F13A1: variants seen among roughly 807,000 people sequenced by gnomAD.
F13A1 encodes FSF, A subunit.
In F13A1, 47 loss-of-function variants were observed where a neutral mutation model predicts 80.1. The ratio of observed to expected loss-of-function variants is 0.59; its 90% CI spans 0.46 to 0.75. F13A1 has a LOEUF of 0.75. F13A1 is among the 30% of genes least tolerant of loss of function. The pLI, the probability that F13A1 is intolerant of heterozygous loss-of-function variation, is 0.00. For synonymous variants in F13A1, 349 were observed against 344.9 expected (o/e 1.01, Z -0.13); for missense variants, 817 against 930.4 (o/e 0.88, Z 1.59).
intron 4 of F13A1, among the ~76,000 whole-genome samples, chr6:6,263,505 A>G (rs1757805279): frequency 6.6e-6 from 1 of 150,856 alleles, no homozygotes; most frequent in African/African-American, 2.4e-5. Context: ...CTTTGTCTCA[A>G]CTCTTAATTG....
intron 2 of F13A1, among the ~76,000 whole-genome samples, chr6:6,306,335 A>G (rs1457547562): frequency 2.0e-5 from 3 of 152,248 alleles, no homozygotes; most frequent in African/African-American, 7.2e-5. Context: ...CATGTTTCTT[A>G]GTTGTCTAAC....
rs562377898 is a variant in F13A1, at chr6:6,151,749, A to T, written c.2045+64T>A. ...GAGCAGATCTATGTTTGGAAAAGAC[A>T]CACACAGAGAAAGCTTCCCACAGCC... On this transcript the variant is annotated intron_variant, in intron 14 of 14. Coordinates refer to ENST00000264870, the MANE Select transcript of F13A1 (RefSeq NM_000129.4). 2.5e-6 allele frequency: 4 copies of T among 1,605,580 alleles called. No individual in the cohort carries two copies. The East Asian group carries it at 8.9e-5, about 36-fold the overall frequency.
intron 8 of F13A1, among the ~76,000 whole-genome samples, chr6:6,212,978 AAAAAAGAAT>A (rs1383251909): frequency 6.6e-6 from 1 of 152,190 alleles, no homozygotes; most frequent in African/African-American, 2.4e-5. Context: ...AAGTTTAGAG[AAAAAAGAAT>A]AAAAAGAAAC....
intron 3 of F13A1, among the ~76,000 whole-genome samples, chr6:6,273,124 C>T (rs894948126): frequency 1.3e-5 from 2 of 152,200 alleles, no homozygotes; most frequent in African/African-American, 4.8e-5. Flanking sequence ...TTGGGGTCTG[C>T]ATCGAGACCC....
At chr6:6,309,100 T>C (rs930191422) in intron 2 of F13A1, among the ~76,000 whole-genome samples, 2 of 152,214 alleles carry the variant, frequency 1.3e-5, no homozygotes, top group African/African-American at 4.8e-5. Context: ...CCCCTAAGTA[T>C]GCATTTAATA....
chr6:6,315,029 C>T (rs1326328461), intron 2 of F13A1, among the ~76,000 whole-genome samples: 1 of 152,178 alleles, frequency 6.6e-6, no homozygotes, highest in Non-Finnish European at 1.5e-5. Context: ...ACTACTAGAA[C>T]CCAGTTTTTA....
At chr6:6,217,705 A>C (rs1757122877) in intron 8 of F13A1, among the ~76,000 whole-genome samples, 1 of 152,106 alleles carries the variant, frequency 6.6e-6, no homozygotes, top group Non-Finnish European at 1.5e-5. Context: ...AATAAAAATA[A>C]AATAATGTAT....
chr6:6,210,147 T>C (rs1761575947), intron 8 of F13A1, among the ~76,000 whole-genome samples: 1 of 151,504 alleles, frequency 6.6e-6, no homozygotes, highest in African/African-American at 2.4e-5. Context: ...GGAAGATTGC[T>C]TGAGCCTGGG....
At chr6:6,155,805 A>G (rs565782395) in intron 13 of F13A1, among the ~76,000 whole-genome samples, 1 of 152,176 alleles carries the variant, frequency 6.6e-6, no homozygotes, top group Non-Finnish European at 1.5e-5. Context: ...AACAATGACT[A>G]TTTGGGGAGA....
chr6:6,191,705 GTTTA>G (rs553349770), intron 10 of F13A1, among the ~76,000 whole-genome samples: 86 of 152,302 alleles, frequency 5.6e-4, no homozygotes, highest in Non-Finnish European at 1.1e-3. Context: ...GCTTTGGTTT[GTTTA>G]TTTGTTTCCA....
chr6:6,308,177 G>A (rs781753345), intron 2 of F13A1, among the ~76,000 whole-genome samples: 25 of 151,930 alleles, frequency 1.6e-4, no homozygotes, highest in Admixed American at 2.6e-4. Flanking sequence ...ACCATGCCCC[G>A]CTAATTTTTG....
chr6:6,190,788 C>T (rs1360201949), intron 10 of F13A1, among the ~76,000 whole-genome samples: 218 of 152,104 alleles, frequency 1.4e-3, no homozygotes, highest in African/African-American at 4.5e-3. Flanking sequence ...TTTACCTAAG[C>T]AAGCCTGGGC....
chr6:6,224,577 T>G, intron 7 of F13A1, 109 bp downstream of exon 7: 1 of 1,033,792 alleles, frequency 9.7e-7, no homozygotes, highest in South Asian at 1.4e-5. Context: ...ACCCATAAAT[T>G]CTATAGTGTC....
rs549128100 is a variant in F13A1, at chr6:6,219,952, CT to C, written c.1112+2080del. The stretch of plus-strand genomic sequence containing the variant: ...TTCATTAGGCACCTGTTATGCTCGG[CT>C]CTGTGATGAGTGAAGCAGGGAATAT... On this transcript the variant is annotated intron_variant, in intron 8 of 14. Coordinates refer to ENST00000264870, the MANE Select transcript of F13A1 (RefSeq NM_000129.4). 6.6e-4 allele frequency among the ~76,000 whole-genome samples: 101 copies of C among 152,292 alleles called. 1 individual carries two copies. The highest frequency in any genetic ancestry group is 1.4e-3 in the Admixed American group (22 of 15,296).
Position 6,300,411 on chromosome 6 carries a change from C to A in F13A1, c.319+4940G>T, listed in dbSNP as rs193026578. On this transcript the variant is annotated intron_variant, in intron 3 of 14. Coordinates refer to ENST00000264870, the MANE Select transcript of F13A1 (RefSeq NM_000129.4). Reference sequence around the variant, plus strand: ...TCAGCGAGACTCCGTGGGCGTAGGACCCTCTGATCCAGGTGCGGGATATAA... The same window carrying A: ...TCAGCGAGACTCCGTGGGCGTAGGAACCTCTGATCCAGGTGCGGGATATAA... Among the ~76,000 whole-genome samples, 721 of 151,672 alleles carry A rather than the reference C, an allele frequency of 4.8e-3. 3 individuals carry two copies. The highest frequency in any genetic ancestry group is 6.4e-3 in the Non-Finnish European group (434 of 68,020).
At chr6:6,263,200 A>C (rs1036188821) in intron 4 of F13A1, among the ~76,000 whole-genome samples, 1 of 152,334 alleles carries the variant, frequency 6.6e-6, no homozygotes, top group East Asian at 1.9e-4. Flanking sequence ...GTCTTGAGAA[A>C]GGTGCCATCT....
chr6:6,309,903 C>G (rs570096125), intron 2 of F13A1, among the ~76,000 whole-genome samples: 38 of 152,214 alleles, frequency 2.5e-4, no homozygotes, highest in African/African-American at 8.9e-4. Context: ...ATAATGTGTC[C>G]CTGAAATGAG....
chr6:6,144,707 C>G lies in F13A1; in HGVS notation c.*912G>C, dbSNP rs1168435818. The G allele has an allele frequency of 6.6e-6, 1 of 152,450 alleles. No individual in the cohort carries two copies. Among genetic ancestry groups the G allele is most frequent in the South Asian group, 2.1e-4 (1 of 4,832 alleles). 9.4% of individuals were successfully genotyped at this position (152,450 alleles called of 1,614,324 possible). On this transcript the variant is annotated 3_prime_UTR_variant, in exon 15 of 15. Coordinates refer to ENST00000264870, the MANE Select transcript of F13A1 (RefSeq NM_000129.4). ...TCACTAGATCCGCCAGCTTCTTCAA[C>G]TTGTTGGGCTTATTATATCTCTGAA...
At chr6:6,258,564 T>G (rs1347436657) in intron 4 of F13A1, among the ~76,000 whole-genome samples, 1 of 152,090 alleles carries the variant, frequency 6.6e-6, no homozygotes, top group Admixed American at 6.6e-5. Flanking sequence ...GTAAAGACCT[T>G]TGCACCTCAA....
Sources: gnomAD v4.1 joint callset for allele counts (sites outside exome capture counted in the v4.1 genomes callset) on GRCh38, gnomAD v4.1.1 for gene constraint, MANE v1.5 for transcripts, NCBI Gene and HGNC (gene_info 2026-07-23, HGNC 2026-07-21) for gene names.